The following STXBP5L variants were observed in gnomAD, a reference collection of about 807,000 sequenced individuals.
STXBP5L encodes the protein syntaxin-binding protein 5-like.
A neutral mutation model predicts 144.5 loss-of-function variants in STXBP5L; 65 were observed. The ratio of observed to expected loss-of-function variants is 0.45; its 90% CI spans 0.37 to 0.55. The LOEUF (loss-of-function observed/expected upper bound fraction) is 0.55, where lower values mean the gene tolerates loss of function less well. STXBP5L is among the 20% of genes least tolerant of loss of function. The probability of loss-of-function intolerance (pLI) is 0.00; values close to 1 mark genes in which losing one functional copy is unlikely to be tolerated. For synonymous variants in STXBP5L, 505 were observed against 469.6 expected, an observed-to-expected ratio of 1.08 and a Z score of -0.97; for missense variants, 1,298 against 1,405.5, an observed-to-expected ratio of 0.92 and a Z score of 1.22.
intron 10 of STXBP5L, among the ~76,000 whole-genome samples, chr3:121,213,676 G>A (rs1300837739): frequency 6.6e-6 from 1 of 151,638 alleles, no homozygotes; most frequent in Non-Finnish European, 1.5e-5. Flanking sequence ...AAATTTTGTT[G>A]TTGTTGTTGT....
chr3:120,966,349 G>T (rs1432774362), intron 3 of STXBP5L, among the ~76,000 whole-genome samples: 1 of 152,168 alleles, frequency 6.6e-6, no homozygotes, highest in Admixed American at 6.5e-5. Context: ...ATCCTTTGGA[G>T]GGGAAGTGGC....
intron 5 of STXBP5L, among the ~76,000 whole-genome samples, chr3:121,074,930 A>C (rs1242450795): frequency 1.3e-5 from 2 of 152,180 alleles, no homozygotes; most frequent in East Asian, 3.9e-4. Flanking sequence ...CTGTAGCTCC[A>C]ATTATATTGA....
chr3:121,184,058 G>T (rs2108120521), intron 9 of STXBP5L, among the ~76,000 whole-genome samples: 1 of 151,940 alleles, frequency 6.6e-6, no homozygotes. Flanking sequence ...CCCATACAAA[G>T]GTCACCAACA....
At chr3:121,175,463 C>G (rs2046896579) in intron 9 of STXBP5L, among the ~76,000 whole-genome samples, 1 of 152,094 alleles carries the variant, frequency 6.6e-6, no homozygotes, top group African/African-American at 2.4e-5. Context: ...AGGCATATGA[C>G]AAGGCAAACA....
chr3:121,234,084 A>G (rs964855968), intron 12 of STXBP5L, among the ~76,000 whole-genome samples: 4 of 152,198 alleles, frequency 2.6e-5, no homozygotes, highest in Admixed American at 2.6e-4. Flanking sequence ...TCTCAGGGGC[A>G]GAGAAGACAG....
chr3:121,107,599 G>A (rs1478491558), intron 5 of STXBP5L, among the ~76,000 whole-genome samples: 1 of 152,120 alleles, frequency 6.6e-6, no homozygotes, highest in African/African-American at 2.4e-5. Flanking sequence ...GTACCGTGCT[G>A]TTTTGGTTAC....
At chr3:120,979,773 G>A (rs557569668) in intron 3 of STXBP5L, among the ~76,000 whole-genome samples, 14 of 152,174 alleles carry the variant, frequency 9.2e-5, no homozygotes, top group African/African-American at 3.4e-4. Flanking sequence ...CTTTTGTTCT[G>A]CTACCTTTGG....
chr3:120,958,803 GA>G (rs1938363328), intron 3 of STXBP5L, among the ~76,000 whole-genome samples: 2 of 152,168 alleles, frequency 1.3e-5, no homozygotes, highest in Admixed American at 1.3e-4. Context: ...ATATTATACT[GA>G]ATGGGCAAAA....
intron 5 of STXBP5L, among the ~76,000 whole-genome samples, chr3:121,054,255 G>T (rs968710814): frequency 8.5e-5 from 13 of 152,072 alleles, no homozygotes; most frequent in Non-Finnish European, 1.3e-4. Flanking sequence ...ATACCCAAAG[G>T]ATTATAAATC....
chr3:121,339,276 A>G (rs917626280), intron 20 of STXBP5L, among the ~76,000 whole-genome samples: 1 of 152,214 alleles, frequency 6.6e-6, no homozygotes, highest in African/African-American at 2.4e-5. Flanking sequence ...TATGCAAGTC[A>G]ATAAATGTGA....
At chr3:121,034,107 A>G (rs1359644543) in intron 3 of STXBP5L, among the ~76,000 whole-genome samples, 1 of 152,130 alleles carries the variant, frequency 6.6e-6, no homozygotes, top group African/African-American at 2.4e-5. Flanking sequence ...AGTGATATAA[A>G]CAAAACATAA....
At chr3:121,195,201 G>T (rs1057026667) in intron 9 of STXBP5L, among the ~76,000 whole-genome samples, 1 of 151,976 alleles carries the variant, frequency 6.6e-6, no homozygotes, top group Non-Finnish European at 1.5e-5. Flanking sequence ...TGGGATTACA[G>T]GTGTGAGCCA....
intron 7 of STXBP5L, among the ~76,000 whole-genome samples, chr3:121,149,277 TA>T (rs1417382637): frequency 1.3e-5 from 2 of 152,046 alleles, no homozygotes; most frequent in Non-Finnish European, 2.9e-5. Flanking sequence ...CACCTATTCC[TA>T]ATAAAAGAAA....
At chr3:121,020,653 G>A (rs553956342) in intron 3 of STXBP5L, among the ~76,000 whole-genome samples, 2 of 152,006 alleles carry the variant, frequency 1.3e-5, no homozygotes, top group African/African-American at 2.4e-5. Flanking sequence ...TTTTTATCAG[G>A]TGAAACTAAG....
intron 19 of STXBP5L, among the ~76,000 whole-genome samples, chr3:121,298,097 A>G (rs2051731566): frequency 6.6e-6 from 1 of 152,152 alleles, no homozygotes; most frequent in African/African-American, 2.4e-5. Flanking sequence ...ATGCCCACCA[A>G]TAGTGCACAA....
intron 12 of STXBP5L, among the ~76,000 whole-genome samples, chr3:121,235,267 G>A (rs2049439526): frequency 6.6e-6 from 1 of 151,882 alleles, no homozygotes; most frequent in Admixed American, 6.6e-5. Context: ...TTACCTCTCA[G>A]CTATACTGAA....
rs553553654 is a variant in STXBP5L, at chr3:121,348,491, C to A, written c.2176+29951C>A. On this transcript the variant is annotated intron_variant, in intron 20 of 26. Transcript: ENST00000471454. ...CCTCATAAAATGAGTTAGGGAGGAT[C>A]CCCTCTTTTTCTATTTATTGGAATA... Among the ~76,000 whole-genome samples the A allele has an allele frequency of 6.6e-5, 10 of 152,056 alleles. No individual in the cohort carries two copies. In the East Asian group the frequency reaches 1.9e-3, roughly 29 times the overall value.
chr3:121,013,279 C>T, intron 3 of STXBP5L, among the ~76,000 whole-genome samples: 1 of 152,012 alleles, frequency 6.6e-6, no homozygotes, highest in Non-Finnish European at 1.5e-5. Context: ...AACTACTTTC[C>T]ACAGAGGCTG....
intron 6 of STXBP5L, among the ~76,000 whole-genome samples, chr3:121,116,698 C>T (rs957200927): frequency 1.3e-5 from 2 of 151,980 alleles, no homozygotes; most frequent in African/African-American, 4.8e-5. Flanking sequence ...TTTCTAAAAA[C>T]ATTAATCCTA....
Sources: allele counts gnomAD v4.1 joint callset (sites outside exome capture counted in the v4.1 genomes callset), GRCh38; gene constraint gnomAD v4.1.1; transcripts MANE v1.5; gene names NCBI Gene and HGNC (gene_info 2026-07-23, HGNC 2026-07-21).